Variants in EPHA5 observed in about 807,000 individuals in gnomAD.
The protein encoded by EPHA5 is EPH receptor A5.
EPHA5 carries 60 observed loss-of-function variants against 105.0 expected under a neutral mutation model. The observed-to-expected ratio is 0.57, with a 90% CI of 0.46 to 0.71. The LOEUF (loss-of-function observed/expected upper bound fraction) is 0.71. Among genes scored for constraint, EPHA5 ranks in the 30% least tolerant of loss-of-function variants. The probability of loss-of-function intolerance (pLI) is 0.00; values close to 1 mark genes in which losing one functional copy is unlikely to be tolerated. For missense variants in EPHA5, 1,218 were observed against 1,274.7 expected, an observed-to-expected ratio of 0.96 and a Z score of 0.68; for synonymous variants, 513 against 449.1, an observed-to-expected ratio of 1.14 and a Z score of -1.80.
chr4:65,490,656 G>T lies in EPHA5; in HGVS notation c.1123C>A (p.Leu375Met). 6.2e-7 allele frequency: 1 copy of T among 1,614,114 alleles called. No homozygotes were observed. Among genetic ancestry groups the T allele is most frequent in the Non-Finnish European group, 8.5e-7 (1 of 1,179,996 alleles). Reference sequence around the variant, plus strand: ...GTGTCAGCAGGCGGAATCCATTCCAGAAAGACACTAGTTTCATTAACATTT... The same window carrying T: ...GTGTCAGCAGGCGGAATCCATTCCATAAAGACACTAGTTTCATTAACATTT... ...ISNVNETSVF[L>M]EWIPPADTGG... Residue 375 changes from leucine (L) to methionine (M), a missense_variant, in exon 5 of 17, where the codon CTG becomes ATG. Leu to Met is a conservative substitution (Grantham distance 15, BLOSUM62 2). This residue lies in a region of EPHA5 where 971 missense variants were observed against 1,013.5 expected (regional missense o/e 0.96). Coordinates refer to ENST00000613740, the MANE Select transcript of EPHA5 (RefSeq NM_001281766.3).
intron 5 of EPHA5, among the ~76,000 whole-genome samples, chr4:65,453,911 C>T (rs188607171): frequency 5.3e-5 from 8 of 152,192 alleles, no homozygotes; most frequent in Middle Eastern, 3.4e-3. Flanking sequence ...CTTATGCTGC[C>T]TCGGTTGAAT....
intron 3 of EPHA5, among the ~76,000 whole-genome samples, chr4:65,561,780 C>T (rs576580505): frequency 6.6e-6 from 1 of 152,086 alleles, no homozygotes; most frequent in South Asian, 2.1e-4. Flanking sequence ...GAATGAACCA[C>T]AAGAGGTTGC....
rs1487634021 is a variant in EPHA5 at position 65,348,078 on chromosome 4, G to A, written c.2571C>T (p.Pro857=). Residue 857 remains proline (P), a synonymous_variant, in exon 14 of 17, where the codon CCC becomes CCT. Transcript: ENST00000613740. Reference sequence around the variant, plus strand: ...CATCTTGATTGGTCATCTCCCAGTAGGGTCTCTCTCCATAAGACACAACTT... The same window carrying A: ...CATCTTGATTGGTCATCTCCCAGTAAGGTCTCTCTCCATAAGACACAACTT... ...MWEVVSYGER[P]YWEMTNQDVI... 1.9e-6 allele frequency: 3 copies of A among 1,608,262 alleles called. No homozygotes were observed. In the South Asian group the frequency reaches 3.3e-5, roughly 18 times the overall value.
At chr4:65,575,972 T>C (rs1330546947) in intron 3 of EPHA5, among the ~76,000 whole-genome samples, 2 of 78,240 alleles carry the variant, frequency 2.6e-5, no homozygotes, top group African/African-American at 4.8e-5. Context: ...CGAGATTCCA[T>C]CAAAAAAGAA....
intron 3 of EPHA5, among the ~76,000 whole-genome samples, chr4:65,545,019 A>T (rs543100091): frequency 2.6e-5 from 4 of 151,706 alleles, no homozygotes; most frequent in Non-Finnish European, 5.9e-5. Context: ...ATGTTTCAAC[A>T]AACAAGGACA....
chr4:65,651,375 A>G (rs144271874), intron 1 of EPHA5, among the ~76,000 whole-genome samples: 1 of 152,326 alleles, frequency 6.6e-6, no homozygotes, highest in African/African-American at 2.4e-5. Context: ...TTATTTGAAG[A>G]GGAAGACATA....
intron 8 of EPHA5, among the ~76,000 whole-genome samples, chr4:65,378,238 A>G (rs1252667429): frequency 7.0e-6 from 1 of 143,342 alleles, no homozygotes; most frequent in Non-Finnish European, 1.5e-5. Context: ...TGAAATTCTA[A>G]TAAAAATTGC....
intron 8 of EPHA5, among the ~76,000 whole-genome samples, chr4:65,375,141 CAGTT>C (rs1193271877): frequency 1.3e-5 from 2 of 151,792 alleles, no homozygotes; most frequent in Admixed American, 6.6e-5. Context: ...TATATAAGCT[CAGTT>C]AAAGTTTGTT....
chr4:65,518,434 C>A (rs1372062855), intron 3 of EPHA5, among the ~76,000 whole-genome samples: 2 of 151,760 alleles, frequency 1.3e-5, no homozygotes, highest in African/African-American at 4.8e-5. Context: ...CACACACACA[C>A]CCACACACAC....
intron 2 of EPHA5, among the ~76,000 whole-genome samples, chr4:65,603,233 CCA>C (rs1208995491): frequency 6.6e-6 from 1 of 152,030 alleles, no homozygotes; most frequent in Non-Finnish European, 1.5e-5. Flanking sequence ...ATAAAATACT[CCA>C]GTTTTGAGAA....
intron 5 of EPHA5, among the ~76,000 whole-genome samples, chr4:65,433,219 G>T (rs1725143795): frequency 6.6e-6 from 1 of 152,112 alleles, no homozygotes. Flanking sequence ...TGACTTCCAT[G>T]ATATAAATAG....
intron 1 of EPHA5, among the ~76,000 whole-genome samples, chr4:65,664,337 T>G (rs1578730014): frequency 6.6e-6 from 1 of 151,930 alleles, no homozygotes. Context: ...AATCTCTTGT[T>G]ATTTATGTAT....
chr4:65,537,767 A>G (rs527283674), intron 3 of EPHA5, among the ~76,000 whole-genome samples: 50 of 151,902 alleles, frequency 3.3e-4, no homozygotes, highest in Admixed American at 7.9e-4. Context: ...TTTTTTAAAT[A>G]ATACAATTTC....
At chr4:65,541,026 T>C (rs529364825) in intron 3 of EPHA5, among the ~76,000 whole-genome samples, 1 of 151,454 alleles carries the variant, frequency 6.6e-6, no homozygotes, top group East Asian at 1.9e-4. Context: ...TCTCTCTTGC[T>C]CTCTCTCTGT....
intron 5 of EPHA5, among the ~76,000 whole-genome samples, chr4:65,444,541 T>A (rs1164179847): frequency 1.3e-5 from 2 of 152,142 alleles, no homozygotes; most frequent in Non-Finnish European, 2.9e-5. Context: ...CTGAGAGAAA[T>A]TAAGTTTAAA....
chr4:65,636,331 T>A (rs1426716319), intron 2 of EPHA5, among the ~76,000 whole-genome samples: 3 of 152,136 alleles, frequency 2.0e-5, no homozygotes, highest in African/African-American at 7.2e-5. Flanking sequence ...TAGCATGGAC[T>A]CTTGTAGGTA....
intron 11 of EPHA5, among the ~76,000 whole-genome samples, chr4:65,356,887 A>C (rs2148869472): frequency 6.6e-6 from 1 of 151,606 alleles, no homozygotes; most frequent in East Asian, 1.9e-4. Context: ...TTGTAAATTC[A>C]ATAAAACTGT....
intron 3 of EPHA5, among the ~76,000 whole-genome samples, chr4:65,526,034 T>C (rs968253689): frequency 6.6e-6 from 1 of 151,880 alleles, no homozygotes; most frequent in Admixed American, 6.6e-5. Flanking sequence ...AAATAAATCC[T>C]ATCAGTATTT....
rs79939596 is a variant in EPHA5 at position 65,547,204 on chromosome 4, A to G, written c.911-51661T>C. Among the ~76,000 whole-genome samples, 377 of 151,918 alleles carry G rather than the reference A, an allele frequency of 2.5e-3. 3 individuals are homozygous for G. The highest frequency in any genetic ancestry group is 8.7e-3 in the African/African-American group (362 of 41,466). ...GATGGCAATGACAGGGCATTCTGGG[A>G]TAAGTTTGACTTTTTACACCCTGTG... On this transcript the variant is annotated intron_variant, in intron 3 of 16. Transcript: ENST00000613740.
Sources: allele counts gnomAD v4.1 joint callset (sites outside exome capture counted in the v4.1 genomes callset), GRCh38; gene constraint gnomAD v4.1.1; regional missense constraint gnomAD v4.1.1; transcripts MANE v1.5; gene names NCBI Gene and HGNC (gene_info 2026-07-23, HGNC 2026-07-21).